VWDE: variants seen among roughly 807,000 people sequenced by gnomAD.
VWDE encodes von Willebrand factor D and EGF domains.
In VWDE, 207 loss-of-function variants were observed where a neutral mutation model predicts 178.4. The ratio of observed to expected loss-of-function variants is 1.16; its 90% CI spans 1.04 to 1.30. The LOEUF is 1.30. Among genes scored for constraint, VWDE ranks in the 50% most tolerant of loss-of-function variants. The pLI, the probability that VWDE is intolerant of heterozygous loss-of-function variation, is 0.00. For synonymous variants in VWDE, 738 were observed against 651.4 expected (o/e 1.13, Z -2.02); for missense variants, 2,287 against 1,901.3 (o/e 1.20, Z -3.77).
At chr7:12,379,132 T>C (rs1265606015) in intron 6 of VWDE, among the ~76,000 whole-genome samples, 2 of 152,224 alleles carry the variant, frequency 1.3e-5, no homozygotes, top group African/African-American at 4.8e-5. Context: ...GAGACTCTAC[T>C]ACTTGGCCTG....
chr7:12,400,865 AC>A (rs1174479948), intron 1 of VWDE, among the ~76,000 whole-genome samples: 1 of 152,184 alleles, frequency 6.6e-6, no homozygotes. Context: ...AAAAATTATG[AC>A]CAAGTGAGAT....
chr7:12,344,800 G>A (rs1781512722), intron 19 of VWDE, among the ~76,000 whole-genome samples: 1 of 152,088 alleles, frequency 6.6e-6, no homozygotes, highest in African/African-American at 2.4e-5. Flanking sequence ...AAATTAAAGT[G>A]ATATATAACT....
intron 28 of VWDE, among the ~76,000 whole-genome samples, chr7:12,332,639 A>G (rs1296616425): frequency 1.3e-5 from 2 of 152,162 alleles, no homozygotes; most frequent in East Asian, 1.9e-4. Context: ...TATTTAATCA[A>G]ATAAGTACTC....
intron 23 of VWDE, 72 bp from the exon 24 acceptor site, chr7:12,340,489 C>T: frequency 4.9e-6 from 5 of 1,016,030 alleles, no homozygotes; most frequent in South Asian, 4.6e-5. Context: ...CACAGAAGTG[C>T]AAAATGGTGC....
intron 18 of VWDE, 85 bp from the exon 19 acceptor site, chr7:12,351,798 C>T (rs1781962376): frequency 8.3e-7 from 1 of 1,208,304 alleles, no homozygotes; most frequent in South Asian, 1.7e-5. Context: ...AATACAAACG[C>T]CACTTGGATT....
At position 12,342,165 on chromosome 7, in the gene VWDE, A is replaced by G. The variant is rs529944078; in HGVS notation, c.4175-11T>C. 1.9e-6 allele frequency: 3 copies of G among 1,548,678 alleles called. No homozygotes were observed. The African/African-American group carries it at 4.1e-5, about 21-fold the overall frequency. On this transcript the variant is annotated splice_polypyrimidine_tract_variant and intron_variant, in intron 22 of 28. Coordinates refer to ENST00000275358, the MANE Select transcript of VWDE (RefSeq NM_001135924.3). ...GCCTGTTACAAACCACTGAGATCAT[A>G]GAATAAAGAGAAAAGAAAGATTAGG...
rs773936467 is a variant in VWDE at position 12,389,182 on chromosome 7, G to C, written c.420C>G (p.Asn140Lys). ...QIPVSVRNCG[N>K]FSVYLLQPTQ... ...TTGGTTGTAGTAAGTATACAGAAAA[G>C]TTCCCACAGTTTCTTACAGACACTG... The change falls in exon 3 of 29, where the codon AAC becomes AAG. Residue 140 changes from asparagine (N) to lysine (K), a missense_variant. Physicochemically the swap from Asn to Lys is moderately conservative, Grantham distance 94. Coordinates refer to ENST00000275358, the MANE Select transcript of VWDE (RefSeq NM_001135924.3). 26 of 1,551,964 alleles carry C rather than the reference G, an allele frequency of 1.7e-5. 1 individual carries two copies. In the South Asian group the frequency reaches 3.1e-4, roughly 18 times the overall value.
intron 13 of VWDE, among the ~76,000 whole-genome samples, 181 bp downstream of exon 13, chr7:12,367,176 T>C (rs1043112002): frequency 6.6e-6 from 1 of 152,066 alleles, no homozygotes; most frequent in East Asian, 1.9e-4. Flanking sequence ...TTATAAGATA[T>C]TTTAATAAAG....
In VWDE at chr7:12,364,162, A is replaced by C. The variant is rs549409157; in HGVS notation, c.2899-2641T>G. Among the ~76,000 whole-genome samples the C allele has an allele frequency of 2.0e-5, 3 of 152,182 alleles. No homozygotes were observed. In the South Asian group the frequency reaches 6.2e-4, roughly 32 times the overall value. Reference sequence around the variant, plus strand: ...GCACTGCACTGAAATCAGAAGTATCAGTATCAACTCACAGAGATGACAGAT... The same window carrying C: ...GCACTGCACTGAAATCAGAAGTATCCGTATCAACTCACAGAGATGACAGAT... On this transcript the variant is annotated intron_variant, in intron 13 of 28. Coordinates refer to ENST00000275358, the MANE Select transcript of VWDE (RefSeq NM_001135924.3).
intron 16 of VWDE, among the ~76,000 whole-genome samples, chr7:12,357,754 G>A (rs1172774723): frequency 6.6e-6 from 1 of 151,934 alleles, no homozygotes. Context: ...AAATCACTTT[G>A]GATACAGCAC....
chr7:12,391,412 C>G (rs1784384600), intron 2 of VWDE, among the ~76,000 whole-genome samples: 1 of 152,204 alleles, frequency 6.6e-6, no homozygotes, highest in Non-Finnish European at 1.5e-5. Context: ...ATAGGGAACA[C>G]TTCCTCCTGG....
chr7:12,367,240 C>A, intron 13 of VWDE, 117 bp downstream of exon 13: 1 of 743,964 alleles, frequency 1.3e-6, no homozygotes, highest in Non-Finnish European at 1.9e-6. Context: ...GTTCAGCTCT[C>A]TAGATATAAT....
rs562009712 is a variant in VWDE, at chr7:12,342,990, G to A, written c.4174+93C>T. 3.4e-5 allele frequency: 30 copies of A among 873,540 alleles called. No individual in the cohort carries two copies. In the South Asian group the frequency reaches 3.7e-4, roughly 11 times the overall value. 54.1% of individuals were successfully genotyped at this position (873,540 alleles called of 1,614,324 possible). ...AACTATCACAATGTGTGTTCTTTAC[G>A]TAGAGTTTGGGTTCATTTCACGTAG... On this transcript the variant is annotated intron_variant, in intron 22 of 28. Transcript: ENST00000275358.
At chr7:12,371,260 T>A (rs1783182922) in intron 10 of VWDE, among the ~76,000 whole-genome samples, 1 of 152,180 alleles carries the variant, frequency 6.6e-6, no homozygotes, top group Admixed American at 6.6e-5. Context: ...CAGATGAATA[T>A]AATTTCAGAG....
chr7:12,337,734 T>G (rs1210053770), intron 24 of VWDE, among the ~76,000 whole-genome samples: 1 of 152,154 alleles, frequency 6.6e-6, no homozygotes, highest in Non-Finnish European at 1.5e-5. Context: ...GGCACAGCTT[T>G]ATATGTGACT....
Position 12,344,470 on chromosome 7 carries a change from C to A in VWDE, c.3887-1G>T. ...TTTCCACATGGATATTTACAAATGG[C>A]TAAAAAAAAATCAAAGAAAAAAAGG... On this transcript the variant is annotated splice_acceptor_variant, in intron 19 of 28. Transcript: ENST00000275358. LOFTEE classifies it high-confidence loss of function. 1 of 1,539,744 alleles carries A rather than the reference C, an allele frequency of 6.5e-7. No individual in the cohort carries two copies. The highest frequency in any genetic ancestry group is 8.8e-7 in the Non-Finnish European group (1 of 1,142,206).
chr7:12,363,384 A>C (rs1335382138), intron 13 of VWDE, among the ~76,000 whole-genome samples: 1 of 152,046 alleles, frequency 6.6e-6, no homozygotes, highest in Non-Finnish European at 1.5e-5. Context: ...GCTAAATCAT[A>C]ATGTGCCATC....
chr7:12,376,773 C>T (rs564023114), intron 7 of VWDE, among the ~76,000 whole-genome samples: 133 of 152,094 alleles, frequency 8.7e-4, no homozygotes, highest in Non-Finnish European at 1.3e-3. Flanking sequence ...GAAATCTGAG[C>T]GAGTAGGTAG....
intron 24 of VWDE, among the ~76,000 whole-genome samples, chr7:12,339,961 G>C (rs1008405400): frequency 1.3e-5 from 2 of 152,014 alleles, no homozygotes; most frequent in Non-Finnish European, 2.9e-5. Context: ...GGATAATAGT[G>C]GACAGTAGAT....
Sources: gnomAD v4.1 joint callset for allele counts (sites outside exome capture counted in the v4.1 genomes callset) on GRCh38, gnomAD v4.1.1 for gene constraint, MANE v1.5 for transcripts, NCBI Gene and HGNC (gene_info 2026-07-23, HGNC 2026-07-21) for gene names.